PMM1: variants seen among roughly 807,000 people sequenced by gnomAD.
PMM1 encodes phosphomannomutase 1, also known as brain glucose-1,6-bisphosphatase.
In PMM1, 25 loss-of-function variants were observed where a neutral mutation model predicts 34.0. The observed-to-expected ratio is 0.73, with a 90% CI of 0.54 to 1.03. PMM1 has a LOEUF of 1.03. Ranked by LOEUF, PMM1 falls within the 50% of genes least tolerant of loss-of-function variation. The pLI is 0.00. For synonymous variants in PMM1, 134 were observed against 143.9 expected (o/e 0.93, Z 0.49); for missense variants, 321 against 350.1 (o/e 0.92, Z 0.66).
chr22:41,579,064 G>A, intron 5 of PMM1, 183 bp from the exon 6 acceptor site: 1 of 573,966 alleles, frequency 1.7e-6, no homozygotes, highest in Non-Finnish European at 3.2e-6. Flanking sequence ...AGCCCTGGTG[G>A]CAGAGCCAGG....
chr22:41,585,234 A>G (rs903537862), intron 2 of PMM1: 6 of 152,240 alleles, frequency 3.9e-5, no homozygotes, highest in African/African-American at 1.4e-4. Flanking sequence ...AGAGGTGGGG[A>G]AAAGGAAAAA....
chr22:41,582,925 G>C (rs1398942462), intron 5 of PMM1, among the ~76,000 whole-genome samples: 1 of 152,118 alleles, frequency 6.6e-6, no homozygotes, highest in African/African-American at 2.4e-5. Context: ...GGAGGCGGTG[G>C]GGAGAAAAGC....
chr22:41,578,707 T>C (rs1453909402), intron 6 of PMM1, 99 bp downstream of exon 6: 13 of 982,728 alleles, frequency 1.3e-5, no homozygotes, highest in Non-Finnish European at 1.9e-5. Context: ...GAGGGGCTAC[T>C]AAAGCTACTG....
chr22:41,589,077 A>G (rs1365459218), intron 1 of PMM1: 2 of 1,303,578 alleles, frequency 1.5e-6, no homozygotes, highest in Non-Finnish European at 1.0e-6. Context: ...GTGTCCTCAC[A>G]GCAAACAGGC....
chr22:41,587,619 C>T (rs1054796058), intron 1 of PMM1, among the ~76,000 whole-genome samples: 1 of 152,008 alleles, frequency 6.6e-6, no homozygotes, highest in Admixed American at 6.6e-5. Flanking sequence ...AGACCCCGGT[C>T]TCTAACAACA....
intron 1 of PMM1, chr22:41,586,471 A>T (rs9611618): frequency 0.27 from 114,924 of 422,798 alleles, 21,488 homozygotes; most frequent in African/African-American, 0.65. Flanking sequence ...GAAAAAAAAA[A>T]TTTTTTTGGA....
Position 41,586,454 on chromosome 22 carries a change from T to C in PMM1, c.88-261A>G, listed in dbSNP as rs2067308642. 1.7e-5 allele frequency: 9 copies of C among 537,124 alleles called. No individual in the cohort carries two copies. In the South Asian group the frequency reaches 2.4e-4, roughly 14 times the overall value. 33.3% of individuals were successfully genotyped at this position (537,124 alleles called of 1,614,324 possible). A position where few individuals can be genotyped will look rare whatever the true frequency, so the allele number is the denominator to read the frequency against. ...GCCTAGGCAGCAAAGGAAGACATTG[T>C]CTCTATGAAAAAAAAAATTTTTTTG... On this transcript the variant is annotated intron_variant, in intron 1 of 7. Transcript: ENST00000216259.
At chr22:41,578,016 C>A in intron 6 of PMM1, 93 bp from the exon 7 acceptor site, 1 of 892,466 alleles carries the variant, frequency 1.1e-6, no homozygotes. Context: ...TTCAACAACC[C>A]TTGAGTGCCT....
intron 1 of PMM1, among the ~76,000 whole-genome samples, chr22:41,588,259 G>A (rs781174293): frequency 3.3e-5 from 5 of 152,122 alleles, no homozygotes; most frequent in Admixed American, 6.6e-5. Context: ...TCCCTCTGTC[G>A]CCCAGGCTGT....
In PMM1 at chr22:41,584,493, G is replaced by C. The variant is rs779905007; in HGVS notation, c.282+34C>G. On this transcript the variant is annotated intron_variant, in intron 3 of 7. Coordinates refer to ENST00000216259, the MANE Select transcript of PMM1 (RefSeq NM_002676.3). ...TGGACTGCTCCACTATGGAAAAGTG[G>C]GGTGCCCCTGGCTAAGCCCTGGGGG... 1.2e-5 allele frequency: 19 copies of C among 1,591,062 alleles called. No homozygotes were observed. In the Admixed American group the frequency reaches 1.8e-4, roughly 15 times the overall value.
intron 7 of PMM1, 35 bp downstream of exon 7, chr22:41,577,773 T>C (rs1377434322): frequency 6.6e-7 from 1 of 1,522,528 alleles, no homozygotes; most frequent in South Asian, 1.1e-5. Context: ...CACTGTCCAC[T>C]GCGTTAGGGG....
intron 1 of PMM1, 184 bp downstream of exon 1, chr22:41,589,535 G>C (rs2067355737): frequency 1.6e-6 from 1 of 608,496 alleles, no homozygotes; most frequent in South Asian, 1.9e-5. Flanking sequence ...TGCGGGGTCA[G>C]TGACGTGAGG....
chr22:41,580,475 C>G (rs1334990157), intron 5 of PMM1: 1 of 152,204 alleles, frequency 6.6e-6, no homozygotes, highest in African/African-American at 2.4e-5. Flanking sequence ...TCATCCAGTG[C>G]TCATGACAGC....
intron 5 of PMM1, chr22:41,580,022 C>T (rs1487758753): frequency 1.3e-5 from 2 of 152,368 alleles, no homozygotes; most frequent in Non-Finnish European, 2.9e-5. Flanking sequence ...AGGCCAGAGT[C>T]CCCACCAGCG....
Position 41,583,487 on chromosome 22 carries a change from A to T in PMM1, c.474+472T>A, listed in dbSNP as rs1318968187. The stretch of plus-strand genomic sequence containing the variant: ...TATTTTTTTGGAGACTCTATCTCCA[A>T]AAAGAAAAAGAAAGAAAGGTTCTCA... On this transcript the variant is annotated intron_variant, in intron 5 of 7. Transcript: ENST00000216259. Among the ~76,000 whole-genome samples, 3 of 152,092 alleles carry T rather than the reference A, an allele frequency of 2.0e-5. No homozygotes were observed. In the East Asian group the frequency reaches 5.8e-4, roughly 29 times the overall value.
At position 41,584,579 on chromosome 22, in the gene PMM1, A is replaced by G; in HGVS notation, c.230T>C (p.Phe77Ser). Residue 77 changes from phenylalanine to serine, a missense_variant, in exon 3 of 8, where the codon TTT (phenylalanine) becomes TCT (serine). Physicochemically the swap from Phe to Ser is radical, Grantham distance 155 (BLOSUM62 -2). Transcript: ENST00000216259. Reference protein sequence around the residue: ...DEVIEKFDYVFAENGTVQYKH... With the variant: ...DEVIEKFDYVSAENGTVQYKH... ...ATACTGCACCGTCCCGTTCTCGGCA[A>G]ACACATAATCAAACTTCTCAATGAC... 1 of 1,613,946 alleles carries G rather than the reference A, an allele frequency of 6.2e-7. No homozygotes were observed. Among genetic ancestry groups the G allele is most frequent in the Non-Finnish European group, 8.5e-7 (1 of 1,179,940 alleles).
At chr22:41,585,858 T>C (rs1185121519) in intron 2 of PMM1, among the ~76,000 whole-genome samples, 6 of 152,166 alleles carry the variant, frequency 3.9e-5, no homozygotes, top group Non-Finnish European at 7.3e-5. Flanking sequence ...GTAAACTGCA[T>C]AAGGGCAGGT....
At chr22:41,586,459 A>G (rs1601496007) in intron 1 of PMM1, 2 of 502,302 alleles carry the variant, frequency 4.0e-6, no homozygotes, top group Non-Finnish European at 6.5e-6. Flanking sequence ...CATTGTCTCT[A>G]TGAAAAAAAA....
chr22:41,580,976 G>A (rs566415186), intron 5 of PMM1, among the ~76,000 whole-genome samples: 9 of 152,054 alleles, frequency 5.9e-5, no homozygotes, highest in Non-Finnish European at 8.8e-5. Flanking sequence ...TTAGCTGGGC[G>A]TGGTGGCAGG....
Sources: gnomAD v4.1 joint callset for allele counts (sites outside exome capture counted in the v4.1 genomes callset) on GRCh38, gnomAD v4.1.1 for gene constraint, MANE v1.5 for transcripts, NCBI Gene and HGNC (gene_info 2026-07-23, HGNC 2026-07-21) for gene names.